The following C20orf96 variants were observed in gnomAD, a reference collection of about 807,000 sequenced individuals.
C20orf96 encodes the protein uncharacterized protein C20orf96.
Under a neutral mutation model 52.6 loss-of-function variants are expected in C20orf96, and 57 were observed. That is an observed-to-expected ratio of 1.08 (90% CI 0.88 to 1.35). The LOEUF is 1.35. C20orf96 is among the 40% of genes most tolerant of loss of function. The pLI is 0.00. For synonymous variants in C20orf96, 168 were observed against 157.2 expected (o/e 1.07, Z -0.51); for missense variants, 478 against 443.6 (o/e 1.08, Z -0.70).
In C20orf96 at chr20:271,013, A is replaced by C. The variant is rs2011808113; in HGVS notation, c.*194T>G. Reference sequence around the variant, plus strand: ...AAGGAGGGAGGGAGGGAGAGGAGGAAGGAAGGAGGAGGGAAGGGAAGGGGG... The same window carrying C: ...AAGGAGGGAGGGAGGGAGAGGAGGACGGAAGGAGGAGGGAAGGGAAGGGGG... On this transcript the variant is annotated 3_prime_UTR_variant, in exon 11 of 11. Transcript: ENST00000360321. 1.9e-5 allele frequency: 9 copies of C among 479,342 alleles called. No homozygotes were observed. The highest frequency in any genetic ancestry group is 4.2e-5 in the Admixed American group (1 of 24,056). The allele number at this position is 479,342 out of a possible 1,614,324, so 29.7% of individuals were successfully genotyped here. A position where few individuals can be genotyped will look rare whatever the true frequency, so the allele number is the denominator to read the frequency against.
At position 274,953 on chromosome 20, in the gene C20orf96, G is replaced by A. The variant is rs140786584; in HGVS notation, c.1031+1015C>T. Among the ~76,000 whole-genome samples the A allele has an allele frequency of 2.3e-3, 356 of 152,198 alleles. 12 individuals are homozygous for A. In the East Asian group the frequency reaches 0.054, roughly 23 times the overall value. On this transcript the variant is annotated intron_variant, in intron 10 of 10. Transcript: ENST00000360321. ...TCTGCCTCAGCCTCCCGAGTAGCTG[G>A]GATTACAGGCACCCGCCACCATGCC...
intron 9 of C20orf96, 50 bp downstream of exon 9, chr20:276,743 G>T (rs1249398157): frequency 6.3e-7 from 1 of 1,590,624 alleles, no homozygotes; most frequent in Non-Finnish European, 8.6e-7. Flanking sequence ...CGTGGGGACT[G>T]CCCATCCACT....
chr20:279,192 G>A lies in C20orf96; in HGVS notation c.445C>T (p.Gln149Ter), dbSNP rs1298560194. 1.9e-6 allele frequency: 3 copies of A among 1,602,876 alleles called. No individual in the cohort carries two copies. The highest frequency in any genetic ancestry group is 1.7e-5 in the Admixed American group (1 of 59,400). The change falls in exon 5 of 11, where the codon CAG becomes TAG. Residue 149 changes from glutamine (Q) to a stop codon, truncating the protein, a stop_gained. Coordinates refer to ENST00000360321, the MANE Select transcript of C20orf96 (RefSeq NM_153269.3). LOFTEE classifies it high-confidence loss of function. ...STTLHVRALL[Q>*]QQDTLATIID... ...CTCACCGCCAGGGTGTCCTGCTGCTGCAGCAGGGCCCGCACGTGCAGGGTC... is the reference window on the plus strand; with the variant it reads ...CTCACCGCCAGGGTGTCCTGCTGCTACAGCAGGGCCCGCACGTGCAGGGTC...
At chr20:290,370 A>G in intron 1 of C20orf96, 63 bp from the exon 2 acceptor site, 4 of 1,593,818 alleles carry the variant, frequency 2.5e-6, no homozygotes, top group Non-Finnish European at 3.4e-6. Context: ...AGCAAGCAGC[A>G]ATTCGAAACA....
intron 3 of C20orf96, among the ~76,000 whole-genome samples, chr20:288,183 T>TTC: frequency 4.2e-5 from 6 of 143,688 alleles, no homozygotes; most frequent in Non-Finnish European, 7.6e-5. Flanking sequence ...TCTTTTTTTT[T>TTC]TTTTTTTTTT....
intron 3 of C20orf96, 55 bp from the exon 4 acceptor site, chr20:284,136 G>A: frequency 7.1e-7 from 1 of 1,401,206 alleles, no homozygotes; most frequent in Non-Finnish European, 1.0e-6. Flanking sequence ...AAGGCCTGAG[G>A]CCAGGTTCCC....
At chr20:274,030 G>A (rs144724109) in intron 10 of C20orf96, among the ~76,000 whole-genome samples, 10 of 151,022 alleles carry the variant, frequency 6.6e-5, no homozygotes, top group African/African-American at 2.2e-4. Flanking sequence ...AGAAAGGAAG[G>A]AATGAAGGAA....
intron 3 of C20orf96, among the ~76,000 whole-genome samples, chr20:288,611 A>G (rs958287717): frequency 3.3e-5 from 5 of 152,072 alleles, no homozygotes; most frequent in Non-Finnish European, 7.4e-5. Context: ...CTGAGCCTCT[A>G]TCCCCACCCA....
At chr20:276,188 G>A in intron 9 of C20orf96, 102 bp from the exon 10 acceptor site, 1 of 1,587,412 alleles carries the variant, frequency 6.3e-7, no homozygotes, top group Non-Finnish European at 8.6e-7. Context: ...CTGGGGAAAT[G>A]GTATGGGTTC....
chr20:289,973 G>T (rs1242115677), intron 2 of C20orf96, among the ~76,000 whole-genome samples: 2 of 152,196 alleles, frequency 1.3e-5, no homozygotes, highest in African/African-American at 4.8e-5. Flanking sequence ...GTGAGAAACA[G>T]AAGGCATGGA....
rs186539100 is a variant in C20orf96, at chr20:284,434, C to T, written c.188-353G>A. On this transcript the variant is annotated intron_variant, in intron 3 of 10. Transcript: ENST00000360321. ...TTCCAGTAGCTACTGCAGCACAGGACAGCAGAAAGACCAGAGTCTGGCAGG... is the reference window on the plus strand; with the variant it reads ...TTCCAGTAGCTACTGCAGCACAGGATAGCAGAAAGACCAGAGTCTGGCAGG... Among the ~76,000 whole-genome samples, 283 of 152,336 alleles carry T rather than the reference C, an allele frequency of 1.9e-3. 1 individual carries two copies. The highest frequency in any genetic ancestry group is 6.4e-3 in the African/African-American group (266 of 41,574).
intron 1 of C20orf96, 135 bp downstream of exon 1, chr20:290,456 A>G: frequency 4.0e-6 from 6 of 1,501,986 alleles, no homozygotes; most frequent in African/African-American, 1.5e-5. Flanking sequence ...GGCCAAGGAG[A>G]TGTGGGCGGG....
intron 10 of C20orf96, among the ~76,000 whole-genome samples, chr20:273,127 A>G (rs1008104200): frequency 2.0e-5 from 3 of 152,160 alleles, no homozygotes; most frequent in African/African-American, 7.2e-5. Flanking sequence ...GGCGCACGCC[A>G]CCACGCCTGG....
At position 278,413 on chromosome 20, in the gene C20orf96, A is replaced by G. The variant is rs1486315111; in HGVS notation, c.482T>C (p.Leu161Ser). ...CAGCCTCTTCTTGTTTGAGTACTCC[A>G]AGATGTCGATGATGGTCTGCGGGAG... The part of the protein sequence containing the change: ...QDTLATIIDI[L>S]EYSNKKRLQQ... The change falls in exon 6 of 11, where the codon TTG (leucine) becomes TCG (serine). Residue 161 changes from leucine (L) to serine (S), a missense_variant. Leu to Ser is a moderately radical substitution (Grantham distance 145). Transcript: ENST00000360321. 1 of 1,613,716 alleles carries G rather than the reference A, an allele frequency of 6.2e-7. No homozygotes were observed. Among genetic ancestry groups the G allele is most frequent in the East Asian group, 2.2e-5 (1 of 44,854 alleles).
chr20:272,528 T>A (rs1475968938), intron 10 of C20orf96, among the ~76,000 whole-genome samples: 1 of 152,076 alleles, frequency 6.6e-6, no homozygotes, highest in Non-Finnish European at 1.5e-5. Context: ...GCTAATTTTT[T>A]AATTTTTTGT....
rs887667255 is a variant in C20orf96 at position 275,846 on chromosome 20, C to T, written c.1031+122G>A. 2.7e-5 allele frequency: 24 copies of T among 904,196 alleles called. 1 individual carries two copies. Among genetic ancestry groups the T allele is most frequent in the Admixed American group, 9.4e-5 (5 of 53,456 alleles). 56.0% of individuals were successfully genotyped at this position (904,196 alleles called of 1,614,324 possible). ...CAGATCCAAGGTGGAAACCCAGGAC[C>T]GCCCCTCCCTCCCTGTACAGGGTTC... On this transcript the variant is annotated intron_variant, in intron 10 of 10. Transcript: ENST00000360321.
At position 276,783 on chromosome 20, in the gene C20orf96, G is replaced by A. The variant is rs1461820028; in HGVS notation, c.912+10C>T. On this transcript the variant is annotated intron_variant, in intron 9 of 10. Transcript: ENST00000360321. Reference sequence around the variant, plus strand: ...CCCTACAGGGACCACCACCTTCCTTGCCCACGCACTTCTCTGAACCTTTGC... The same window carrying A: ...CCCTACAGGGACCACCACCTTCCTTACCCACGCACTTCTCTGAACCTTTGC... 1.2e-6 allele frequency: 2 copies of A among 1,610,660 alleles called. No homozygotes were observed. Among genetic ancestry groups the A allele is most frequent in the South Asian group, 2.2e-5 (2 of 90,474 alleles).
At chr20:288,725 A>G (rs1176869669) in intron 3 of C20orf96, among the ~76,000 whole-genome samples, 1 of 152,208 alleles carries the variant, frequency 6.6e-6, no homozygotes. Flanking sequence ...GAGCTGATCT[A>G]ACATTACTTA....
chr20:279,339 G>T lies in C20orf96; in HGVS notation c.307-9C>A. ...CCGCTCCTGAGCGAGGTCTGCGGGC[G>T]GAGGGAAGAGCAGAGAGGCGGCGCT... On this transcript the variant is annotated splice_polypyrimidine_tract_variant and intron_variant, in intron 4 of 10. Transcript: ENST00000360321. 4 of 1,600,528 alleles carry T rather than the reference G, an allele frequency of 2.5e-6. No individual in the cohort carries two copies. The highest frequency in any genetic ancestry group is 2.5e-6 in the Non-Finnish European group (3 of 1,178,512).
Sources: allele counts gnomAD v4.1 joint callset (sites outside exome capture counted in the v4.1 genomes callset), GRCh38; gene constraint gnomAD v4.1.1; transcripts MANE v1.5; gene names NCBI Gene and HGNC (gene_info 2026-07-23, HGNC 2026-07-21).